The following MTBP variants were observed in gnomAD, a reference collection of about 807,000 sequenced individuals.
MTBP encodes MDM2 binding protein.
MTBP carries 101 observed loss-of-function variants against 117.0 expected under a neutral mutation model. That is an observed-to-expected ratio of 0.86 (90% confidence interval 0.73 to 1.02). MTBP has a LOEUF of 1.02. MTBP is among the 50% of genes least tolerant of loss of function. MTBP has a pLI of 0.00. For missense variants in MTBP, 970 were observed against 1,030.9 expected (o/e 0.94, Z 0.81); for synonymous variants, 350 against 351.5 (o/e 1.00, Z 0.05).
intron 11 of MTBP, chr8:120,473,977 C>T (rs1179375370): frequency 1.3e-5 from 2 of 152,008 alleles, no homozygotes; most frequent in African/African-American, 4.8e-5. Flanking sequence ...CCTCTCATAA[C>T]TTTCTCCAAC....
Position 120,522,903 on chromosome 8 carries a change from A to C in MTBP, c.2676+184A>C, listed in dbSNP as rs567812560. Among the ~76,000 whole-genome samples the C allele has an allele frequency of 2.0e-5, 3 of 152,302 alleles. No homozygotes were observed. The East Asian group carries it at 5.8e-4, about 29-fold the overall frequency. ...CTGAGTATTTCATAGTATTTAGTAGATTGCTCTGTCAGCAAAAGAGTTTCT... is the reference window on the plus strand; with the variant it reads ...CTGAGTATTTCATAGTATTTAGTAGCTTGCTCTGTCAGCAAAAGAGTTTCT... On this transcript the variant is annotated intron_variant, in intron 21 of 21. Transcript: ENST00000305949.
chr8:120,459,410 G>A (rs1813539214), intron 8 of MTBP, 61 bp downstream of exon 8: 5 of 1,497,708 alleles, frequency 3.3e-6, no homozygotes, highest in Middle Eastern at 1.8e-4. Context: ...TATAAAATAT[G>A]TTTGAATCTT....
chr8:120,523,265 A>C, intron 21 of MTBP, 33 bp from the exon 22 acceptor site: 1 of 1,435,824 alleles, frequency 7.0e-7, no homozygotes, highest in Non-Finnish European at 9.5e-7. Context: ...TTTCAAGAGA[A>C]ATCTTCTGTA....
chr8:120,446,504 A>G lies in MTBP; in HGVS notation c.190A>G (p.Thr64Ala), dbSNP rs1409225931. Residue 64 changes from threonine (T) to alanine (A), a missense_variant, in exon 2 of 22, where the codon ACT becomes GCT. Physicochemically the swap from Thr to Ala is moderately conservative, Grantham distance 58 (BLOSUM62 0). Coordinates refer to ENST00000305949, the MANE Select transcript of MTBP (RefSeq NM_022045.5). ...ISASINPEDS[T>A]FPACSVGGIP... ...TGCTTCAATTAATCCAGAAGATAGT[A>G]CTTTCCCTGGTAAGTATAATAAACT... 11 of 1,568,538 alleles carry G rather than the reference A, an allele frequency of 7.0e-6. No individual in the cohort carries two copies. Among genetic ancestry groups the G allele is most frequent in the Non-Finnish European group, 7.0e-6 (8 of 1,139,162 alleles).
chr8:120,471,878 CT>C (rs935851279), intron 11 of MTBP: 1 of 152,094 alleles, frequency 6.6e-6, no homozygotes, highest in African/African-American at 2.4e-5. Context: ...TTCAAGATGT[CT>C]TTATCCAAAT....
At position 120,451,562 on chromosome 8, in the gene MTBP, C is replaced by T. The variant is rs763936733; in HGVS notation, c.425+240C>T. ...GATATTTTAATAAACATGTTCCTTT[C>T]TTGAAGATAAATTCTGCCTAATATT... On this transcript the variant is annotated intron_variant, in intron 4 of 21. Coordinates refer to ENST00000305949, the MANE Select transcript of MTBP (RefSeq NM_022045.5). 4.4e-4 allele frequency: 172 copies of T among 390,296 alleles called. 1 individual carries two copies. The highest frequency in any genetic ancestry group is 7.1e-4 in the Non-Finnish European group (154 of 216,272). The allele number at this position is 390,296 out of a possible 1,614,324, so 24.2% of individuals were successfully genotyped here.
chr8:120,464,457 C>G (rs1309302002), intron 10 of MTBP, among the ~76,000 whole-genome samples: 2 of 152,036 alleles, frequency 1.3e-5, no homozygotes, highest in Admixed American at 1.3e-4. Context: ...ATTGGCAGTA[C>G]TTACATTACA....
At chr8:120,516,328 T>C in intron 18 of MTBP, 137 bp downstream of exon 18, 1 of 797,314 alleles carries the variant, frequency 1.3e-6, no homozygotes, top group Non-Finnish European at 1.9e-6. Context: ...GTTGATAATT[T>C]TGCTTATAAG....
At chr8:120,446,678 C>T (rs893720922) in intron 2 of MTBP, among the ~76,000 whole-genome samples, 165 bp downstream of exon 2, 2 of 152,094 alleles carry the variant, frequency 1.3e-5, no homozygotes, top group Non-Finnish European at 2.9e-5. Context: ...TAAATTACCC[C>T]TTTCTTCTAG....
intron 11 of MTBP, among the ~76,000 whole-genome samples, chr8:120,474,871 C>T (rs1813899140): frequency 1.3e-5 from 2 of 151,870 alleles, no homozygotes; most frequent in Admixed American, 1.3e-4. Context: ...TAGAAAAAAT[C>T]CCCAAGACAT....
chr8:120,501,078 C>G (rs951189449), intron 14 of MTBP, among the ~76,000 whole-genome samples: 24 of 151,050 alleles, frequency 1.6e-4, no homozygotes, highest in Admixed American at 4.0e-4. Flanking sequence ...GTAGTCCCAG[C>G]TACTCTGGAG....
rs181060392 is a variant in MTBP at position 120,482,710 on chromosome 8, C to A, written c.1166-5449C>A. On this transcript the variant is annotated intron_variant, in intron 11 of 21. Transcript: ENST00000305949. ...TTCTTCTTTTTTTTTTTCTTTCTTT[C>A]TTTTTTTGAGACGGAGTCTTGCTTT... 1.0e-3 allele frequency among the ~76,000 whole-genome samples: 150 copies of A among 145,362 alleles called. 1 individual carries two copies. The East Asian group carries it at 0.029, about 28-fold the overall frequency.
At chr8:120,474,373 G>T (rs1813888997) in intron 11 of MTBP, among the ~76,000 whole-genome samples, 1 of 151,898 alleles carries the variant, frequency 6.6e-6, no homozygotes, top group Non-Finnish European at 1.5e-5. Flanking sequence ...CCCATTGATG[G>T]AACTTTTTTT....
chr8:120,517,847 A>G lies in MTBP; in HGVS notation c.2247-4A>G. On this transcript the variant is annotated splice_polypyrimidine_tract_variant and splice_region_variant and intron_variant, in intron 18 of 21. Coordinates refer to ENST00000305949, the MANE Select transcript of MTBP (RefSeq NM_022045.5). ...GTTCTTGATTTTTTTCCCCTGCTAT[A>G]TAGACTTGTGAAATCTGAAAGTTCA... 1 of 1,609,394 alleles carries G rather than the reference A, an allele frequency of 6.2e-7. No homozygotes were observed. Among genetic ancestry groups the G allele is most frequent in the African/African-American group, 1.3e-5 (1 of 74,898 alleles).
chr8:120,512,161 C>A (rs1482231132), intron 17 of MTBP, among the ~76,000 whole-genome samples: 1 of 152,078 alleles, frequency 6.6e-6, no homozygotes, highest in Admixed American at 6.6e-5. Context: ...AACCAGTCAA[C>A]AGTGTTTATA....
chr8:120,492,251 G>C (rs1203528490), intron 13 of MTBP, among the ~76,000 whole-genome samples: 1 of 152,126 alleles, frequency 6.6e-6, no homozygotes, highest in Non-Finnish European at 1.5e-5. Context: ...TACCCAGAGA[G>C]TTAATACTGG....
In MTBP at chr8:120,506,703, C is replaced by T; in HGVS notation, c.1728-3C>T. 6.3e-7 allele frequency: 1 copy of T among 1,591,274 alleles called. No individual in the cohort carries two copies. The highest frequency in any genetic ancestry group is 8.5e-7 in the Non-Finnish European group (1 of 1,171,884). On this transcript the variant is annotated splice_region_variant and splice_polypyrimidine_tract_variant and intron_variant, in intron 15 of 21. Coordinates refer to ENST00000305949, the MANE Select transcript of MTBP (RefSeq NM_022045.5). Reference sequence around the variant, plus strand: ...ATAAATCTGCATAACATTATTTTCCCAGAACTGGTTCATTACCTCATTCAT... The same window carrying T: ...ATAAATCTGCATAACATTATTTTCCTAGAACTGGTTCATTACCTCATTCAT...
intron 9 of MTBP, among the ~76,000 whole-genome samples, chr8:120,462,485 A>G (rs1399409349): frequency 6.6e-6 from 1 of 152,188 alleles, no homozygotes; most frequent in Non-Finnish European, 1.5e-5. Context: ...GGGTAGTTGG[A>G]GTGGTAATGT....
chr8:120,458,358 G>C (rs768017687), intron 7 of MTBP, among the ~76,000 whole-genome samples: 9 of 152,126 alleles, frequency 5.9e-5, no homozygotes, highest in Non-Finnish European at 1.3e-4. Flanking sequence ...CTATCGCATA[G>C]ATTTTTGTGA....
Sources: gnomAD v4.1 joint callset for allele counts (sites outside exome capture counted in the v4.1 genomes callset) on GRCh38, gnomAD v4.1.1 for gene constraint, MANE v1.5 for transcripts, NCBI Gene and HGNC (gene_info 2026-07-23, HGNC 2026-07-21) for gene names.